CORO7: variants seen among roughly 807,000 people sequenced by gnomAD.
CORO7 encodes coronin 7.
Under a neutral mutation model 126.6 loss-of-function variants are expected in CORO7, and 107 were observed. The observed-to-expected ratio is 0.85, with a 90% CI of 0.72 to 0.99. The LOEUF is 0.99. Ranked by LOEUF, CORO7 falls within the 50% of genes least tolerant of loss-of-function variation. The pLI is 0.00. For missense variants in CORO7, 1,314 were observed against 1,255.8 expected (o/e 1.05, Z -0.70); for synonymous variants, 603 against 536.8 (o/e 1.12, Z -1.70).
chr16:4,358,569 C>T, intron 23 of CORO7, 86 bp from the exon 24 acceptor site: 6 of 1,267,140 alleles, frequency 4.7e-6, no homozygotes, highest in South Asian at 3.0e-5. Flanking sequence ...CGGCACCCCT[C>T]ACTTAGGACC....
intron 9 of CORO7, among the ~76,000 whole-genome samples, chr16:4,380,557 G>T (rs2141242791): frequency 6.6e-6 from 1 of 152,342 alleles, no homozygotes; most frequent in African/African-American, 2.4e-5. Context: ...TCTGAGGCAG[G>T]GGATGGGGGA....
intron 9 of CORO7, chr16:4,381,541 G>C (rs1339672690): frequency 6.2e-7 from 1 of 1,604,848 alleles, no homozygotes; most frequent in Non-Finnish European, 8.5e-7. Context: ...CCACGACCTG[G>C]ATGTGTCCGA....
At chr16:4,364,728 C>T (rs1438753924) in intron 12 of CORO7, 39 bp from the exon 13 acceptor site, 2 of 1,591,142 alleles carry the variant, frequency 1.3e-6, no homozygotes, top group African/African-American at 1.3e-5. Context: ...AGGCCCAGGC[C>T]CCCCGACTCC....
intron 9 of CORO7, among the ~76,000 whole-genome samples, chr16:4,365,789 G>A (rs1388883038): frequency 6.6e-6 from 1 of 152,100 alleles, no homozygotes; most frequent in East Asian, 1.9e-4. Flanking sequence ...CTCCAGGACT[G>A]GAGTGGGCAC....
At chr16:4,369,685 G>T (rs1458403662) in intron 9 of CORO7, among the ~76,000 whole-genome samples, 1 of 152,152 alleles carries the variant, frequency 6.6e-6, no homozygotes, top group Non-Finnish European at 1.5e-5. Context: ...GCAGCTGCAA[G>T]GCTCCTCCTC....
At chr16:4,385,636 C>T (rs1035020661) in intron 9 of CORO7, among the ~76,000 whole-genome samples, 4 of 152,172 alleles carry the variant, frequency 2.6e-5, no homozygotes, top group African/African-American at 7.2e-5. Flanking sequence ...GGCAGCCCTC[C>T]GTGGAGGCTG....
At chr16:4,355,658 C>T (rs2053955766) in intron 26 of CORO7, 4 of 371,874 alleles carry the variant, frequency 1.1e-5, no homozygotes, top group Non-Finnish European at 1.5e-5. Context: ...TTAGTAGAGA[C>T]GGGGGTTTCA....
intron 5 of CORO7, among the ~76,000 whole-genome samples, 165 bp from the exon 6 acceptor site, chr16:4,405,732 T>TGGGAA (rs987059387): frequency 3.6e-4 from 54 of 150,836 alleles, no homozygotes; most frequent in Admixed American, 1.6e-3. Context: ...AGGCTTCCCC[T>TGGGAA]GCACCACAGG....
chr16:4,388,621 G>T lies in CORO7; in HGVS notation c.626C>A (p.Ala209Asp). ...CCGGCTATCCCTGCTGTTCTCATGG[G>T]CCTGCGTGCTCTGCAGGAGGCAAGA... The part of the protein sequence containing the change: ...TKPRASQSTQ[A>D]HENSRDSRLA... The change falls in exon 8 of 28, where the codon GCC becomes GAC. Residue 209 changes from alanine to aspartate, a missense_variant. Physicochemically the swap from Ala to Asp is moderately radical, Grantham distance 126. Transcript: ENST00000251166. 2.5e-6 allele frequency: 4 copies of T among 1,611,818 alleles called. No homozygotes were observed. Among genetic ancestry groups the T allele is most frequent in the Non-Finnish European group, 3.4e-6 (4 of 1,179,440 alleles).
intron 9 of CORO7, among the ~76,000 whole-genome samples, chr16:4,366,116 G>C (rs1170924113): frequency 6.6e-6 from 1 of 152,172 alleles, no homozygotes; most frequent in African/African-American, 2.4e-5. Flanking sequence ...CTGAGTTAAA[G>C]TTCCTGTGTC....
chr16:4,405,367 T>C (rs1443154372), intron 6 of CORO7, 124 bp downstream of exon 6: 7 of 1,076,822 alleles, frequency 6.5e-6, no homozygotes, highest in Non-Finnish European at 8.9e-6. Context: ...GGCACACAGA[T>C]GACCATCCTG....
chr16:4,400,657 C>CA (rs1271203849), intron 6 of CORO7, among the ~76,000 whole-genome samples: 1 of 146,576 alleles, frequency 6.8e-6, no homozygotes, highest in Non-Finnish European at 1.5e-5. Context: ...AAAACAAAAA[C>CA]AAAAAAACAA....
At chr16:4,383,475 C>G (rs2055078412) in intron 9 of CORO7, 1 of 167,056 alleles carries the variant, frequency 6.0e-6, no homozygotes, top group Non-Finnish European at 1.5e-5. Flanking sequence ...TTTTGTAAGA[C>G]AAACGATGAT....
At chr16:4,411,417 G>T (rs1170970814) in intron 3 of CORO7, among the ~76,000 whole-genome samples, 1 of 151,966 alleles carries the variant, frequency 6.6e-6, no homozygotes, top group East Asian at 1.9e-4. Flanking sequence ...AACAGGTAAC[G>T]TTGGCTGGGC....
intron 14 of CORO7, 68 bp downstream of exon 14, chr16:4,364,208 G>A (rs941178233): frequency 3.5e-6 from 5 of 1,438,418 alleles, no homozygotes; most frequent in African/African-American, 1.5e-5. Context: ...AGGCCGTTCA[G>A]CCGGTGAACA....
chr16:4,374,936 C>G (rs1474614485), intron 9 of CORO7, among the ~76,000 whole-genome samples: 1 of 152,064 alleles, frequency 6.6e-6, no homozygotes, highest in African/African-American at 2.4e-5. Flanking sequence ...GTGCTTGCCC[C>G]TGGGTGGGGA....
chr16:4,361,812 T>C (rs1272250129), intron 16 of CORO7, 173 bp downstream of exon 16: 2 of 1,055,118 alleles, frequency 1.9e-6, no homozygotes, highest in Non-Finnish European at 2.8e-6. Flanking sequence ...ATCTGTAAAA[T>C]GGGGATAAAA....
At chr16:4,401,110 C>T (rs2055786467) in intron 6 of CORO7, among the ~76,000 whole-genome samples, 1 of 152,178 alleles carries the variant, frequency 6.6e-6, no homozygotes, top group South Asian at 2.1e-4. Flanking sequence ...AAGTGCTGGA[C>T]TCTGGGGCCT....
intron 9 of CORO7, among the ~76,000 whole-genome samples, chr16:4,383,701 G>A (rs1446452526): frequency 6.6e-6 from 1 of 152,204 alleles, no homozygotes; most frequent in East Asian, 1.9e-4. Flanking sequence ...CTGGGCCCAG[G>A]TGGGAGCAGG....
Sources: allele counts gnomAD v4.1 joint callset (sites outside exome capture counted in the v4.1 genomes callset), GRCh38; gene constraint gnomAD v4.1.1; transcripts MANE v1.5; gene names NCBI Gene and HGNC (gene_info 2026-07-23, HGNC 2026-07-21).